The following HPSE2 variants were observed in gnomAD, a reference collection of about 807,000 sequenced individuals.
HPSE2 encodes the protein heparanase 2 (inactive), also known as inactive heparanase-2.
In HPSE2, 38 loss-of-function variants were observed where a neutral mutation model predicts 60.5. That is an observed-to-expected ratio of 0.63 (90% CI 0.48 to 0.82). The LOEUF is 0.82. HPSE2 is among the 40% of genes least tolerant of loss of function. The pLI is 0.00. For synonymous variants in HPSE2, 295 were observed against 293.2 expected (o/e 1.01, Z -0.06); for missense variants, 713 against 740.4 (o/e 0.96, Z 0.43).
At chr10:99,309,768 T>A in the HPSE2 span, among the ~76,000 whole-genome samples, 1 of 152,204 alleles carries the variant, frequency 6.6e-6, no homozygotes, top group Admixed American at 6.5e-5. Flanking sequence ...CAACCAGAAC[T>A]CTGATACACT....
At chr10:98,872,908 ATTTAT>A (rs1282518751) in intron 3 of HPSE2, among the ~76,000 whole-genome samples, 3 of 152,096 alleles carry the variant, frequency 2.0e-5, no homozygotes, top group African/African-American at 7.2e-5. Context: ...AGACCCAAAG[ATTTAT>A]TTACTTCCTA....
At chr10:98,882,578 A>G (rs1219785509) in intron 3 of HPSE2, among the ~76,000 whole-genome samples, 3 of 152,044 alleles carry the variant, frequency 2.0e-5, no homozygotes, top group African/African-American at 4.8e-5. Context: ...GAGACTAGAA[A>G]ACCATGCAAG....
At chr10:98,947,237 T>C (rs1047254612) in intron 3 of HPSE2, among the ~76,000 whole-genome samples, 1 of 152,060 alleles carries the variant, frequency 6.6e-6, no homozygotes, top group African/African-American at 2.4e-5. Flanking sequence ...CCTTGCAAAA[T>C]TTTTGCAAAA....
chr10:99,307,830 G>GCACACACA, the HPSE2 span, among the ~76,000 whole-genome samples: 10,894 of 140,772 alleles, frequency 0.077, 809 homozygotes, highest in African/African-American at 0.19. Flanking sequence ...CCTAGTAAAT[G>GCACACACA]CGCACACACA....
At chr10:99,234,190 C>T (rs1344032702) in intron 1 of HPSE2, among the ~76,000 whole-genome samples, 1 of 152,180 alleles carries the variant, frequency 6.6e-6, no homozygotes, top group Admixed American at 6.5e-5. Context: ...GCGGCAACCG[C>T]ACCAACAGGA....
intron 3 of HPSE2, among the ~76,000 whole-genome samples, chr10:98,835,246 T>C (rs1951765762): frequency 6.6e-6 from 1 of 152,086 alleles, no homozygotes; most frequent in Non-Finnish European, 1.5e-5. Context: ...ATCAGCAAAA[T>C]TCAGACTGTA....
At chr10:99,220,211 A>C (rs1455257324) in intron 2 of HPSE2, among the ~76,000 whole-genome samples, 1 of 152,220 alleles carries the variant, frequency 6.6e-6, no homozygotes, top group East Asian at 1.9e-4. Flanking sequence ...GAGATGTTAC[A>C]GGGAAAGAAT....
intron 3 of HPSE2, among the ~76,000 whole-genome samples, chr10:99,064,936 T>C (rs1274646123): frequency 6.6e-6 from 1 of 152,104 alleles, no homozygotes; most frequent in Non-Finnish European, 1.5e-5. Flanking sequence ...AAAAAATTCC[T>C]GTAAATTTTT....
In HPSE2 at chr10:98,480,092, C is replaced by CTTT. The variant is rs1564907607; in HGVS notation, c.1613+2543_1613+2544insAAA. On this transcript the variant is annotated intron_variant, in intron 11 of 11. Transcript: ENST00000370552. ...TCTCTTTGTCCTTGTCCCTCTCCTA[C>CTTT]ATTTTTTTTTTTTTGAGGCAGAGTC... Among the ~76,000 whole-genome samples the CTTT allele has an allele frequency of 2.9e-3, 332 of 116,284 alleles. 2 individuals are homozygous for CTTT. The highest frequency in any genetic ancestry group is 0.014 in the African/African-American group (318 of 23,326). The allele number at this position is 116,284 out of a possible 152,430, so 76.3% of individuals were successfully genotyped here.
intron 4 of HPSE2, among the ~76,000 whole-genome samples, chr10:98,732,836 G>A (rs927757948): frequency 1.3e-5 from 2 of 151,906 alleles, no homozygotes; most frequent in Non-Finnish European, 2.9e-5. Context: ...AAAAGACGAA[G>A]TAAAAAAATT....
chr10:99,018,227 A>T (rs947109602), intron 3 of HPSE2, among the ~76,000 whole-genome samples: 6 of 152,204 alleles, frequency 3.9e-5, no homozygotes, highest in Admixed American at 6.5e-5. Flanking sequence ...CTATAAAATA[A>T]GGGGTTTTGA....
chr10:98,657,999 G>C lies in HPSE2; in HGVS notation c.1005-16059C>G, dbSNP rs140233822. ...GGGATTTTTTGGAATGAGAACAGAC[G>C]AAGTTTTGTTTTTTCTCTTCCTTCA... On this transcript the variant is annotated intron_variant, in intron 6 of 11. Coordinates refer to ENST00000370552, the MANE Select transcript of HPSE2 (RefSeq NM_021828.5). Among the ~76,000 whole-genome samples the C allele has an allele frequency of 1.2e-4, 19 of 152,240 alleles. No individual in the cohort carries two copies. The East Asian group carries it at 3.5e-3, about 28-fold the overall frequency.
At chr10:98,508,463 C>A (rs1052098777) in intron 9 of HPSE2, among the ~76,000 whole-genome samples, 1 of 152,168 alleles carries the variant, frequency 6.6e-6, no homozygotes, top group Non-Finnish European at 1.5e-5. Context: ...GAGTGCCCGG[C>A]TATAGGAGGT....
chr10:99,060,756 C>CTATT (rs542152644), intron 3 of HPSE2, among the ~76,000 whole-genome samples: 86 of 147,510 alleles, frequency 5.8e-4, no homozygotes, highest in African/African-American at 2.0e-3. Flanking sequence ...CAATAGAGTA[C>CTATT]TATTTAGCCA....
chr10:98,813,770 A>G lies in HPSE2; in HGVS notation c.611-69714T>C, dbSNP rs182955549. ...ATTAACAAATGGTTATGTTCATCAT[A>G]TCTTTAAATTGCACTCTTTCTTTCA... is the stretch of plus-strand genomic sequence containing the variant. On this transcript the variant is annotated intron_variant, in intron 3 of 11. Transcript: ENST00000370552. Among the ~76,000 whole-genome samples, 59 of 152,312 alleles carry G rather than the reference A, an allele frequency of 3.9e-4. 1 individual carries two copies. In the East Asian group the frequency reaches 5.2e-3, roughly 13 times the overall value.
intron 5 of HPSE2, among the ~76,000 whole-genome samples, chr10:98,712,646 G>A (rs7082079): frequency 0.95 from 144,805 of 152,156 alleles, 69,291 homozygotes; most frequent in East Asian, 1. Context: ...GTCTGCCGTG[G>A]TGGCAAAGAC....
intron 2 of HPSE2, among the ~76,000 whole-genome samples, chr10:99,209,255 T>A (rs1159035656): frequency 6.6e-6 from 1 of 152,152 alleles, no homozygotes; most frequent in Non-Finnish European, 1.5e-5. Context: ...AAACAAATCT[T>A]AACAAATTAA....
chr10:99,132,054 G>C (rs1845405772), intron 3 of HPSE2, among the ~76,000 whole-genome samples: 1 of 151,392 alleles, frequency 6.6e-6, no homozygotes, highest in South Asian at 2.1e-4. Context: ...AGAGGTTGCA[G>C]AGAGCCAAGA....
At chr10:98,666,802 G>T (rs2134100995) in intron 6 of HPSE2, among the ~76,000 whole-genome samples, 1 of 152,244 alleles carries the variant, frequency 6.6e-6, no homozygotes, top group East Asian at 1.9e-4. Flanking sequence ...AGAAAAGTTT[G>T]TAGCACTAAA....
Sources: gnomAD v4.1 joint callset for allele counts (sites outside exome capture counted in the v4.1 genomes callset) on GRCh38, gnomAD v4.1.1 for gene constraint, MANE v1.5 for transcripts, NCBI Gene and HGNC (gene_info 2026-07-23, HGNC 2026-07-21) for gene names.